The following UNC93A variants were observed in gnomAD, a reference collection of about 807,000 sequenced individuals.
UNC93A encodes the protein unc-93 homolog A.
UNC93A carries 43 observed loss-of-function variants against 47.5 expected under a neutral mutation model. That is an observed-to-expected ratio of 0.91 (90% CI 0.71 to 1.17). The LOEUF is 1.17. UNC93A is among the 50% of genes most tolerant of loss of function. The probability of loss-of-function intolerance (pLI) is 0.00; values close to 1 mark genes in which losing one functional copy is unlikely to be tolerated. For missense variants in UNC93A, 605 were observed against 577.6 expected, an observed-to-expected ratio of 1.05 and a Z score of -0.49; for synonymous variants, 280 against 258.0, an observed-to-expected ratio of 1.09 and a Z score of -0.82.
chr6:167,307,792 C>T lies in UNC93A; in HGVS notation c.990C>T (p.His330=), dbSNP rs764203486. The change falls in exon 7 of 8, where the codon CAC becomes CAT. Residue 330 remains histidine, a synonymous_variant. Transcript: ENST00000230256. ...CTGCACCCCCAGGCGCGGTGACCCACGTGTCCTGCATGATTGCCCTACTGC... is the reference window on the plus strand; with the variant it reads ...CTGCACCCCCAGGCGCGGTGACCCATGTGTCCTGCATGATTGCCCTACTGC... The part of the protein sequence containing the change: ...AVLYVLGAVT[H]VSCMIALLLW... 1.8e-5 allele frequency: 29 copies of T among 1,593,940 alleles called. No homozygotes were observed. Among genetic ancestry groups the T allele is most frequent in the South Asian group, 4.4e-5 (4 of 90,208 alleles).
chr6:167,299,072 C>T (rs1212250266), intron 4 of UNC93A, among the ~76,000 whole-genome samples: 4 of 148,314 alleles, frequency 2.7e-5, no homozygotes, highest in South Asian at 2.1e-4. Flanking sequence ...GAGCCAAGAT[C>T]GCGCTGCTGC....
Position 167,303,890 on chromosome 6 carries a change from A to C in UNC93A, c.626-29A>C, listed in dbSNP as rs1416972040. Reference sequence around the variant, plus strand: ...GCACCCTGCCTCTGGGCCCCCATGAAAGCTGAAGCCTTTGCTATGTCCTTT... The same window carrying C: ...GCACCCTGCCTCTGGGCCCCCATGACAGCTGAAGCCTTTGCTATGTCCTTT... On this transcript the variant is annotated intron_variant, in intron 4 of 7. Coordinates refer to ENST00000230256, the MANE Select transcript of UNC93A (RefSeq NM_018974.4). 1.1e-5 allele frequency: 18 copies of C among 1,611,734 alleles called. No individual in the cohort carries two copies. In the Admixed American group the frequency reaches 3.0e-4, roughly 27 times the overall value.
Position 167,291,579 on chromosome 6 carries a change from ATG to A in UNC93A, c.87+9_87+10del. ...ATGGAGGTCTGCAGAGCCTGCAGGT[ATG>A]TGTGTCCGGTCATCAAATTACCTGA... On this transcript the variant is annotated splice_donor_5th_base_variant and intron_variant, in intron 1 of 7. Coordinates refer to ENST00000230256, the MANE Select transcript of UNC93A (RefSeq NM_018974.4). The A allele has an allele frequency of 3.1e-6, 5 of 1,608,492 alleles. No homozygotes were observed. Among genetic ancestry groups the A allele is most frequent in the Non-Finnish European group, 4.2e-6 (5 of 1,177,888 alleles).
At chr6:167,307,373 G>A (rs529748772) in intron 6 of UNC93A, among the ~76,000 whole-genome samples, 1 of 152,314 alleles carries the variant, frequency 6.6e-6, no homozygotes, top group South Asian at 2.1e-4. Context: ...GAGCATTAAG[G>A]GAACATTGAG....
At chr6:167,298,408 C>T (rs905626312) in intron 4 of UNC93A, 13 of 173,902 alleles carry the variant, frequency 7.5e-5, no homozygotes, top group East Asian at 6.2e-4. Context: ...CTCAGCAGTA[C>T]GGGGGCTGGC....
intron 1 of UNC93A, among the ~76,000 whole-genome samples, chr6:167,293,363 G>C (rs554515115): frequency 6.6e-6 from 1 of 152,116 alleles, no homozygotes; most frequent in Non-Finnish European, 1.5e-5. Flanking sequence ...ACTGTGGAAG[G>C]GTCCCCTCCA....
In UNC93A at chr6:167,303,944, G is replaced by A. The variant is rs757208976; in HGVS notation, c.651G>A (p.Met217Ile). ...GGAGTGGTGTCCTGGCTGTCCTGAT[G>A]ATAGCTGCGTTCCTCCAACCCATAC... ...YTGSGVLAVL[M>I]IAAFLQPIRD... The change falls in exon 5 of 8, where the codon ATG becomes ATA. Residue 217 changes from methionine to isoleucine, a missense_variant. Met to Ile is a conservative substitution (Grantham distance 10). Transcript: ENST00000230256. The A allele has an allele frequency of 1.2e-6, 2 of 1,613,764 alleles. No individual in the cohort carries two copies. The highest frequency in any genetic ancestry group is 3.3e-5 in the Admixed American group (2 of 59,960).
chr6:167,312,076 C>T (rs28409153), intron 7 of UNC93A, among the ~76,000 whole-genome samples: 230 of 151,462 alleles, frequency 1.5e-3, no homozygotes, highest in African/African-American at 5.5e-3. Flanking sequence ...TTTTCATTTT[C>T]CTTGTTTTTC....
chr6:167,292,766 G>T (rs1422472213), intron 1 of UNC93A, among the ~76,000 whole-genome samples: 2 of 152,216 alleles, frequency 1.3e-5, no homozygotes, highest in Admixed American at 6.5e-5. Context: ...GTTGAATGTG[G>T]TTGGTGTGCA....
intron 1 of UNC93A, among the ~76,000 whole-genome samples, chr6:167,294,283 CAG>C (rs1390811372): frequency 5.3e-5 from 8 of 152,324 alleles, no homozygotes; most frequent in Admixed American, 2.0e-4. Flanking sequence ...CAAGCACTCA[CAG>C]GGGTGCCGGG....
At position 167,315,121 on chromosome 6, in the gene UNC93A, T is replaced by C. The variant is rs1216938661; in HGVS notation, c.1109-66T>C. The stretch of plus-strand genomic sequence containing the variant: ...AAATGGGGCAGTGGGAAAGCTGTGC[T>C]CTTTTCACAAACAGGGTCACTGTGG... On this transcript the variant is annotated intron_variant, in intron 7 of 7. Transcript: ENST00000230256. 14 of 1,582,524 alleles carry C rather than the reference T, an allele frequency of 8.8e-6. No homozygotes were observed. In the Admixed American group the frequency reaches 2.6e-4, roughly 29 times the overall value.
At chr6:167,302,345 C>A (rs890762622) in intron 4 of UNC93A, among the ~76,000 whole-genome samples, 11 of 151,872 alleles carry the variant, frequency 7.2e-5, no homozygotes, top group African/African-American at 2.7e-4. Flanking sequence ...AGGATAATTC[C>A]CGTCGTCTTT....
intron 1 of UNC93A, among the ~76,000 whole-genome samples, chr6:167,285,814 ATTC>A (rs1173250601): frequency 6.6e-6 from 1 of 151,622 alleles, no homozygotes; most frequent in Non-Finnish European, 1.5e-5. Flanking sequence ...TAAAAATTGT[ATTC>A]TTCTTAAATT....
intron 7 of UNC93A, among the ~76,000 whole-genome samples, chr6:167,312,335 C>T (rs1185042169): frequency 6.6e-6 from 1 of 151,882 alleles, no homozygotes; most frequent in Non-Finnish European, 1.5e-5. Context: ...CCACTGCCTT[C>T]CCTTTCCACA....
chr6:167,282,143 G>T (rs189204024), intron 1 of UNC93A, among the ~76,000 whole-genome samples: 1 of 152,142 alleles, frequency 6.6e-6, no homozygotes, highest in African/African-American at 2.4e-5. Context: ...TTCCTGGGAC[G>T]GTAGACAAGT....
At position 167,307,995 on chromosome 6, in the gene UNC93A, A is replaced by G. The variant is rs1352640198; in HGVS notation, c.1108+85A>G. On this transcript the variant is annotated intron_variant, in intron 7 of 7. Transcript: ENST00000230256. ...CAACTGTGGGGCTCATTAGATGCCA[A>G]TGGGCCAGAGCCAAGAGAGATGAGT... is the stretch of plus-strand genomic sequence containing the variant. 4 of 1,554,956 alleles carry G rather than the reference A, an allele frequency of 2.6e-6. No homozygotes were observed. In the East Asian group the frequency reaches 9.3e-5, roughly 36 times the overall value.
At chr6:167,302,678 T>A (rs1443215607) in intron 4 of UNC93A, among the ~76,000 whole-genome samples, 1 of 152,186 alleles carries the variant, frequency 6.6e-6, no homozygotes, top group East Asian at 1.9e-4. Context: ...TTTGGAATTA[T>A]GAGAAAGTAC....
chr6:167,295,687 G>A (rs1362417180), intron 2 of UNC93A, among the ~76,000 whole-genome samples: 9 of 120,914 alleles, frequency 7.4e-5, no homozygotes, highest in African/African-American at 3.0e-4. Flanking sequence ...CGTGCTCCTC[G>A]CCTGCCTCGT....
rs536074517 is a variant in UNC93A at position 167,303,183 on chromosome 6, G to A, written c.626-736G>A. On this transcript the variant is annotated intron_variant, in intron 4 of 7. Coordinates refer to ENST00000230256, the MANE Select transcript of UNC93A (RefSeq NM_018974.4). ...CCTCTCACTGCCGTCCTCAGACCCC[G>A]TTCTGCACCCATAGAAAGTCCATGC... Among the ~76,000 whole-genome samples, 20 of 152,280 alleles carry A rather than the reference G, an allele frequency of 1.3e-4. No homozygotes were observed. The South Asian group carries it at 3.5e-3, about 27-fold the overall frequency.
Sources: allele counts gnomAD v4.1 joint callset (sites outside exome capture counted in the v4.1 genomes callset), GRCh38; gene constraint gnomAD v4.1.1; transcripts MANE v1.5; gene names NCBI Gene and HGNC (gene_info 2026-07-23, HGNC 2026-07-21).